Variants in HTRA1 observed in about 807,000 individuals in gnomAD.
HTRA1 encodes the protein serine protease HTRA1.
HTRA1 carries 26 observed loss-of-function variants against 49.7 expected under a neutral mutation model. The observed-to-expected ratio is 0.52, with a 90% confidence interval of 0.38 to 0.73. HTRA1 has a LOEUF of 0.73. HTRA1 is among the 30% of genes least tolerant of loss of function. The probability of loss-of-function intolerance (pLI) is 0.00; values close to 1 mark genes in which losing one functional copy is unlikely to be tolerated. For synonymous variants in HTRA1, 291 were observed against 286.9 expected (o/e 1.01, Z -0.14); for missense variants, 561 against 667.2 (o/e 0.84, Z 1.75).
At chr10:122,478,609 G>C (rs1326831602) in intron 1 of HTRA1, among the ~76,000 whole-genome samples, 1 of 152,034 alleles carries the variant, frequency 6.6e-6, no homozygotes, top group East Asian at 1.9e-4. Context: ...AGCCAGGATG[G>C]TCTCGATTTC....
chr10:122,491,481 C>A (rs1323216411), intron 3 of HTRA1, among the ~76,000 whole-genome samples: 2 of 152,248 alleles, frequency 1.3e-5, no homozygotes, highest in Non-Finnish European at 2.9e-5. Flanking sequence ...CTTTGGGAGG[C>A]AGCCAGCAGC....
At chr10:122,502,506 C>T (rs2097501368) in intron 3 of HTRA1, among the ~76,000 whole-genome samples, 1 of 152,200 alleles carries the variant, frequency 6.6e-6, no homozygotes, top group South Asian at 2.1e-4. Flanking sequence ...GGATCTGTTT[C>T]TACATCTACC....
At chr10:122,483,638 G>A (rs79772493) in intron 1 of HTRA1, among the ~76,000 whole-genome samples, 2,750 of 152,280 alleles carry the variant, frequency 0.018, 76 homozygotes, top group East Asian at 0.14. Flanking sequence ...TTTTCACTGA[G>A]AGTATGCTTA....
At position 122,464,673 on chromosome 10, in the gene HTRA1, G is replaced by A. The variant is rs553078765; in HGVS notation, c.472+2549G>A. On this transcript the variant is annotated intron_variant, in intron 1 of 8. Coordinates refer to ENST00000368984, the MANE Select transcript of HTRA1 (RefSeq NM_002775.5). This position sits in a 1 kb window ranked among gnomAD's most constrained non-coding sequence, Gnocchi z 4.8. ...TCTCACACTCCACCCTTGACTTTTC[G>A]GAGGTGTTTCCGAGGACAGGCGCCT... is the stretch of plus-strand genomic sequence containing the variant. 3.3e-5 allele frequency among the ~76,000 whole-genome samples: 5 copies of A among 152,270 alleles called. No homozygotes were observed. Among genetic ancestry groups the A allele is most frequent in the South Asian group, 2.1e-4 (1 of 4,810 alleles).
chr10:122,500,850 C>T (rs2097500584), intron 3 of HTRA1, among the ~76,000 whole-genome samples: 1 of 152,216 alleles, frequency 6.6e-6, no homozygotes, highest in African/African-American at 2.4e-5. Flanking sequence ...GCTGCGTGCA[C>T]AGACCTCCCC....
chr10:122,510,159 T>G lies in HTRA1; in HGVS notation c.1178+6T>G. ...ATGATGTCACTCACGTCCAGGTGGG[T>G]AAACAGGATGCGTGTCTGTGTCTTA... On this transcript the variant is annotated splice_donor_region_variant and intron_variant, in intron 7 of 8. Coordinates refer to ENST00000368984, the MANE Select transcript of HTRA1 (RefSeq NM_002775.5). 1.2e-6 allele frequency: 2 copies of G among 1,611,728 alleles called. No individual in the cohort carries two copies. The highest frequency in any genetic ancestry group is 1.7e-6 in the Non-Finnish European group (2 of 1,177,738).
rs2097497220 is a variant in HTRA1, at chr10:122,494,014, C to T, written c.777+4388C>T. On this transcript the variant is annotated intron_variant, in intron 3 of 8. Transcript: ENST00000368984. This position sits in a 1 kb window ranked among gnomAD's most constrained non-coding sequence, Gnocchi z 4.0. ...TGTCCTTCAGGCCTCTGATTAAATT[C>T]TGCCTTAGACATCTCTCCCCACCCC... 6.6e-6 allele frequency among the ~76,000 whole-genome samples: 1 copy of T among 152,172 alleles called. No individual in the cohort carries two copies. The highest frequency in any genetic ancestry group is 6.5e-5 in the Admixed American group (1 of 15,280).
rs1013463321 is a variant in HTRA1, at chr10:122,509,950, G to T, written c.1121-146G>T. Reference sequence around the variant, plus strand: ...TCCCAAGGTCCCCCAGAGGGGAGGGGTCCAGACCAGGATTTGAGCCGCAAC... The same window carrying T: ...TCCCAAGGTCCCCCAGAGGGGAGGGTTCCAGACCAGGATTTGAGCCGCAAC... On this transcript the variant is annotated intron_variant, in intron 6 of 8. Transcript: ENST00000368984. 1.4e-5 allele frequency: 10 copies of T among 726,922 alleles called. No homozygotes were observed. The African/African-American group carries it at 1.6e-4, about 11-fold the overall frequency. The allele number at this position is 726,922 out of a possible 1,614,324, so 45.0% of individuals were successfully genotyped here. A position where few individuals can be genotyped will look rare whatever the true frequency, so the allele number is the denominator to read the frequency against.
intron 1 of HTRA1, among the ~76,000 whole-genome samples, chr10:122,471,626 G>A (rs1158878568): frequency 2.0e-5 from 3 of 152,170 alleles, no homozygotes; most frequent in Non-Finnish European, 4.4e-5. Context: ...GTCCTGGCAG[G>A]TCCTAGAGCT....
At chr10:122,489,361 T>C in intron 2 of HTRA1, 61 bp from the exon 3 acceptor site, 1 of 1,436,518 alleles carries the variant, frequency 7.0e-7, no homozygotes, top group African/African-American at 1.4e-5. Flanking sequence ...CATTAATCAA[T>C]GCGTTGAAGC....
At chr10:122,496,244 T>G (rs2097498692) in intron 3 of HTRA1, among the ~76,000 whole-genome samples, 4 of 137,486 alleles carry the variant, frequency 2.9e-5, no homozygotes, top group Middle Eastern at 3.6e-3. Context: ...TTTTTTTTTT[T>G]TTTTTTTTTT....
At chr10:122,509,945 GA>G (rs2097504841) in intron 6 of HTRA1, 150 bp from the exon 7 acceptor site, 1 of 715,172 alleles carries the variant, frequency 1.4e-6, no homozygotes, top group African/African-American at 1.7e-5. Context: ...CCCCAGAGGG[GA>G]GGGGTCCAGA....
chr10:122,476,246 C>T (rs2097488415), intron 1 of HTRA1, among the ~76,000 whole-genome samples: 1 of 152,198 alleles, frequency 6.6e-6, no homozygotes, highest in African/African-American at 2.4e-5. Context: ...TCTTTCCCCA[C>T]TCCTCTGCCT....
rs146862712 is a variant in HTRA1 at position 122,512,512 on chromosome 10, T to G, written c.1274+447T>G. On this transcript the variant is annotated intron_variant, in intron 8 of 8. Coordinates refer to ENST00000368984, the MANE Select transcript of HTRA1 (RefSeq NM_002775.5). ...CTCCAGAAAAATAACCCAAGTGATA[T>G]CAAAGTAACATGACAAGAAGTAGCT... is the stretch of plus-strand genomic sequence containing the variant. Among the ~76,000 whole-genome samples the G allele has an allele frequency of 4.7e-3, 708 of 152,252 alleles. 11 individuals are homozygous for G. The highest frequency in any genetic ancestry group is 0.015 in the African/African-American group (634 of 41,552).
chr10:122,473,717 A>G (rs1257090533), intron 1 of HTRA1, among the ~76,000 whole-genome samples: 2 of 152,182 alleles, frequency 1.3e-5, no homozygotes, highest in Admixed American at 6.5e-5. Flanking sequence ...GAAACCCCGT[A>G]TCCATTAGTA....
chr10:122,513,003 G>A (rs1044392365), intron 8 of HTRA1, among the ~76,000 whole-genome samples: 2 of 152,158 alleles, frequency 1.3e-5, no homozygotes, highest in African/African-American at 4.8e-5. Flanking sequence ...AAATTTGTAT[G>A]AAATTCAAAT....
intron 1 of HTRA1, among the ~76,000 whole-genome samples, chr10:122,466,496 C>T (rs549093338): frequency 1.3e-5 from 2 of 152,266 alleles, no homozygotes; most frequent in East Asian, 1.9e-4. Context: ...GTGACTCTTT[C>T]GTGGGAACCT....
chr10:122,466,247 G>T (rs1016664989), intron 1 of HTRA1, among the ~76,000 whole-genome samples: 14 of 152,092 alleles, frequency 9.2e-5, no homozygotes, highest in Admixed American at 8.5e-4. Flanking sequence ...CTCACTGCAA[G>T]CTCCACCTCC....
chr10:122,482,051 G>A (rs780016640), intron 1 of HTRA1, among the ~76,000 whole-genome samples: 1 of 152,076 alleles, frequency 6.6e-6, no homozygotes, highest in Non-Finnish European at 1.5e-5. Flanking sequence ...ATGGTCCCCA[G>A]TAAGGCCAAA....
Sources: allele counts gnomAD v4.1 joint callset (sites outside exome capture counted in the v4.1 genomes callset), GRCh38; gene constraint gnomAD v4.1.1; non-coding constraint Gnocchi (gnomAD v3.1); transcripts MANE v1.5; gene names NCBI Gene and HGNC (gene_info 2026-07-23, HGNC 2026-07-21).